ARGLU1: variants seen among roughly 807,000 people sequenced by gnomAD.
ARGLU1 encodes arginine and glutamate-rich protein 1.
ARGLU1 carries 9 observed loss-of-function variants against 37.6 expected under a neutral mutation model. The observed-to-expected ratio is 0.24, with a 90% CI of 0.14 to 0.42. The LOEUF (loss-of-function observed/expected upper bound fraction) is 0.42. Ranked by LOEUF, ARGLU1 falls within the 10% of genes least tolerant of loss-of-function variation. ARGLU1 has a pLI of 1.00. For missense variants in ARGLU1, 211 were observed against 359.2 expected, an observed-to-expected ratio of 0.59 and a Z score of 3.34; for synonymous variants, 166 against 138.5, an observed-to-expected ratio of 1.20 and a Z score of -1.39.
intron 1 of ARGLU1, among the ~76,000 whole-genome samples, chr13:106,565,593 A>G (rs1464344346): frequency 3.3e-5 from 5 of 152,244 alleles, no homozygotes; most frequent in Non-Finnish European, 5.9e-5. Flanking sequence ...CAGTTAAATG[A>G]ATAAAATAAC....
Position 106,557,256 on chromosome 13 carries a change from G to T in ARGLU1, c.574-125C>A, listed in dbSNP as rs966094640. 7.2e-5 allele frequency: 60 copies of T among 838,014 alleles called. No homozygotes were observed. The highest frequency in any genetic ancestry group is 1.1e-4 in the Non-Finnish European group (57 of 540,630). The allele number at this position is 838,014 out of a possible 1,614,324, so 51.9% of individuals were successfully genotyped here. A position where few individuals can be genotyped will look rare whatever the true frequency, so the allele number is the denominator to read the frequency against. On this transcript the variant is annotated intron_variant, in intron 2 of 3. Coordinates refer to ENST00000400198, the MANE Select transcript of ARGLU1 (RefSeq NM_018011.4). This position sits in a 1 kb window ranked among gnomAD's most constrained non-coding sequence, Gnocchi z 5.0. The stretch of plus-strand genomic sequence containing the variant: ...CAGGGTAGCTTTATAGCTACCTTCT[G>T]TCTGACAAATGATAAACTGTGCAGT...
chr13:106,563,780 C>A (rs1423312775), intron 1 of ARGLU1, among the ~76,000 whole-genome samples: 4 of 152,232 alleles, frequency 2.6e-5, no homozygotes, highest in African/African-American at 4.8e-5. Flanking sequence ...TTTGCTCTCA[C>A]AATGAACTGC....
chr13:106,565,393 T>C (rs1411985026), intron 1 of ARGLU1, among the ~76,000 whole-genome samples: 2 of 152,342 alleles, frequency 1.3e-5, no homozygotes, highest in East Asian at 3.9e-4. Context: ...CATATTCTTA[T>C]ATCCTCCACC....
chr13:106,559,950 C>A (rs1880751309), intron 1 of ARGLU1, among the ~76,000 whole-genome samples: 1 of 152,150 alleles, frequency 6.6e-6, no homozygotes, highest in African/African-American at 2.4e-5. Context: ...TAAATCCGGA[C>A]AGAAAACCTA....
chr13:106,564,644 C>T (rs1880910531), intron 1 of ARGLU1, among the ~76,000 whole-genome samples: 1 of 152,164 alleles, frequency 6.6e-6, no homozygotes, highest in African/African-American at 2.4e-5. Flanking sequence ...CTTTCAGTCC[C>T]TTGAATGAAC....
chr13:106,546,552 A>G (rs57235815), intron 3 of ARGLU1, among the ~76,000 whole-genome samples: 2,140 of 152,302 alleles, frequency 0.014, 27 homozygotes, highest in African/African-American at 0.037. Context: ...GTCATCATTA[A>G]TGAATTCATA....
rs1881024423 is a variant in ARGLU1 at position 106,567,969 on chromosome 13, G to C, written c.-50C>G. On this transcript the variant is annotated 5_prime_UTR_variant, in exon 1 of 4. Coordinates refer to ENST00000400198, the MANE Select transcript of ARGLU1 (RefSeq NM_018011.4). This position sits in a 1 kb window ranked among gnomAD's most constrained non-coding sequence, Gnocchi z 4.3. ...TCGCCTCAGGCCCCTCACGCGGCCAGTTCCCCTCGCCTCCGCCTTCGGACG... is the reference window on the plus strand; with the variant it reads ...TCGCCTCAGGCCCCTCACGCGGCCACTTCCCCTCGCCTCCGCCTTCGGACG... 1 of 1,537,712 alleles carries C rather than the reference G, an allele frequency of 6.5e-7. No homozygotes were observed. Among genetic ancestry groups the C allele is most frequent in the East Asian group, 2.4e-5 (1 of 41,504 alleles).
At chr13:106,547,495 T>C (rs941209149) in intron 3 of ARGLU1, among the ~76,000 whole-genome samples, 2 of 151,918 alleles carry the variant, frequency 1.3e-5, no homozygotes, top group African/African-American at 4.8e-5. Context: ...ACTAAATAAA[T>C]TACTGAAGAT....
Position 106,568,101 on chromosome 13 carries a change from A to C in ARGLU1, c.-182T>G. Reference sequence around the variant, plus strand: ...GCCACGAAGGCCGCCTCCAACGAGAAACCCGTAGCGCCAGGCGCCCCTAAG... The same window carrying C: ...GCCACGAAGGCCGCCTCCAACGAGACACCCGTAGCGCCAGGCGCCCCTAAG... On this transcript the variant is annotated 5_prime_UTR_variant, in exon 1 of 4. Coordinates refer to ENST00000400198, the MANE Select transcript of ARGLU1 (RefSeq NM_018011.4). 1 of 938,804 alleles carries C rather than the reference A, an allele frequency of 1.1e-6. No individual in the cohort carries two copies. Among genetic ancestry groups the C allele is most frequent in the Non-Finnish European group, 1.5e-6 (1 of 671,498 alleles). The allele number at this position is 938,804 out of a possible 1,614,324, so 58.2% of individuals were successfully genotyped here.
At chr13:106,545,144 T>C (rs946456822) in intron 3 of ARGLU1, among the ~76,000 whole-genome samples, 2 of 152,190 alleles carry the variant, frequency 1.3e-5, no homozygotes, top group African/African-American at 4.8e-5. Context: ...GAATGGCTCC[T>C]GGCATCTAGT....
Position 106,567,927 on chromosome 13 carries a change from G to A in ARGLU1, c.-8C>T, listed in dbSNP as rs554990505. ...GCTCCGAGACCGGCCCATCCTTCCGGGAGACGCTCTAACCGCTCGCCTCAG... is the reference window on the plus strand; with the variant it reads ...GCTCCGAGACCGGCCCATCCTTCCGAGAGACGCTCTAACCGCTCGCCTCAG... On this transcript the variant is annotated 5_prime_UTR_variant, in exon 1 of 4. Coordinates refer to ENST00000400198, the MANE Select transcript of ARGLU1 (RefSeq NM_018011.4). This position sits in a 1 kb window ranked among gnomAD's most constrained non-coding sequence, Gnocchi z 4.3. 16 of 1,604,324 alleles carry A rather than the reference G, an allele frequency of 1.0e-5. 1 individual carries two copies. The South Asian group carries it at 1.2e-4, about 12-fold the overall frequency.
Position 106,543,875 on chromosome 13 carries a change from A to C in ARGLU1, c.*121T>G. On this transcript the variant is annotated 3_prime_UTR_variant, in exon 4 of 4. Transcript: ENST00000400198. ...GCAGAGCATAGCCCCTATTAGAACA[A>C]GCTAACTTTCCAGATTTTACAAATT... 1 of 1,007,562 alleles carries C rather than the reference A, an allele frequency of 9.9e-7. No homozygotes were observed. Among genetic ancestry groups the C allele is most frequent in the Non-Finnish European group, 1.4e-6 (1 of 706,440 alleles). 62.4% of individuals were successfully genotyped at this position (1,007,562 alleles called of 1,614,324 possible).
rs1383030365 is a variant in ARGLU1, at chr13:106,567,791, A to C, written c.129T>G (p.Ser43=). 3.7e-6 allele frequency: 6 copies of C among 1,612,658 alleles called. No homozygotes were observed. The highest frequency in any genetic ancestry group is 5.1e-6 in the Non-Finnish European group (6 of 1,179,560). Residue 43 remains serine (S), a synonymous_variant, in exon 1 of 4, where the codon TCT becomes TCG. Transcript: ENST00000400198. The surrounding 1 kb of genome is among the most constrained non-coding windows in gnomAD (Gnocchi z 4.3). ...DKERVRKRSK[S]RESKRNRRRE... The stretch of plus-strand genomic sequence containing the variant: ...GCCGCCGGTTCCGTTTACTTTCCCG[A>C]GATTTGGAACGCTTCCGCACGCGCT...
chr13:106,562,353 G>A (rs1880829671), intron 1 of ARGLU1, among the ~76,000 whole-genome samples: 2 of 152,110 alleles, frequency 1.3e-5, no homozygotes, highest in African/African-American at 2.4e-5. Flanking sequence ...ACTGAATTAA[G>A]CATGAGTTCA....
chr13:106,557,039 TAC>T lies in ARGLU1; in HGVS notation c.657+7_657+8del, dbSNP rs1440708015. 2.5e-6 allele frequency: 4 copies of T among 1,609,284 alleles called. No homozygotes were observed. Among genetic ancestry groups the T allele is most frequent in the Non-Finnish European group, 3.4e-6 (4 of 1,175,824 alleles). ...TACAAAACACTTTTCATGTATGCTTTACACTTACCAGTTTGGCTTGTGCTTCT... is the reference window on the plus strand; with the variant it reads ...TACAAAACACTTTTCATGTATGCTTTACTTACCAGTTTGGCTTGTGCTTCT... On this transcript the variant is annotated splice_region_variant and intron_variant, in intron 3 of 3. Transcript: ENST00000400198. This position sits in a 1 kb window ranked among gnomAD's most constrained non-coding sequence, Gnocchi z 5.0.
rs536627344 is a variant in ARGLU1 at position 106,554,297 on chromosome 13, C to T, written c.657+2751G>A. Among the ~76,000 whole-genome samples, 337 of 152,274 alleles carry T rather than the reference C, an allele frequency of 2.2e-3. 4 individuals carry two copies. The highest frequency in any genetic ancestry group is 1.3e-3 in the Non-Finnish European group (88 of 68,006). On this transcript the variant is annotated intron_variant, in intron 3 of 3. Coordinates refer to ENST00000400198, the MANE Select transcript of ARGLU1 (RefSeq NM_018011.4). ...ATTTTAGCAAACAGTTACCTTTGAT[C>T]ACCCTTCATCATTCATCACTTTCTA...
intron 1 of ARGLU1, among the ~76,000 whole-genome samples, chr13:106,562,929 G>C (rs1035143969): frequency 1.4e-5 from 2 of 143,932 alleles, no homozygotes; most frequent in Non-Finnish European, 3.0e-5. Flanking sequence ...AGGAGAATGA[G>C]CTGAGATTGC....
chr13:106,546,408 G>T (rs1880390781), intron 3 of ARGLU1, among the ~76,000 whole-genome samples: 1 of 151,994 alleles, frequency 6.6e-6, no homozygotes. Flanking sequence ...TTTCTATCTT[G>T]TTCCCCCGTC....
At chr13:106,555,292 T>C (rs1461595017) in intron 3 of ARGLU1, among the ~76,000 whole-genome samples, 1 of 151,924 alleles carries the variant, frequency 6.6e-6, no homozygotes, top group Non-Finnish European at 1.5e-5. Flanking sequence ...ACCCAGGAGG[T>C]GGAGGCTGCA....
Sources: allele counts gnomAD v4.1 joint callset (sites outside exome capture counted in the v4.1 genomes callset), GRCh38; gene constraint gnomAD v4.1.1; non-coding constraint Gnocchi (gnomAD v3.1); transcripts MANE v1.5; gene names NCBI Gene and HGNC (gene_info 2026-07-23, HGNC 2026-07-21).